NECAB1: variants seen among roughly 807,000 people sequenced by gnomAD.
NECAB1 encodes N-terminal EF-hand calcium-binding protein 1.
A neutral mutation model predicts 57.5 loss-of-function variants in NECAB1; 29 were observed. The observed-to-expected ratio is 0.50, with a 90% CI of 0.38 to 0.69. The LOEUF (loss-of-function observed/expected upper bound fraction) is 0.69. NECAB1 is among the 30% of genes least tolerant of loss of function. The pLI is 0.00. For missense variants in NECAB1, 372 were observed against 413.8 expected (o/e 0.90, Z 0.88); for synonymous variants, 142 against 147.7 (o/e 0.96, Z 0.28).
At chr8:90,841,497 G>A (rs765393135) in intron 3 of NECAB1, among the ~76,000 whole-genome samples, 2 of 152,050 alleles carry the variant, frequency 1.3e-5, no homozygotes, top group Non-Finnish European at 2.9e-5. Flanking sequence ...ACATAGTATC[G>A]AGATGCATGA....
chr8:90,809,971 T>C (rs1811928386), intron 2 of NECAB1, among the ~76,000 whole-genome samples: 1 of 152,240 alleles, frequency 6.6e-6, no homozygotes, highest in African/African-American at 2.4e-5. Flanking sequence ...TAATTTTATT[T>C]AATCTGTATA....
chr8:90,950,123 A>C (rs940143380), intron 11 of NECAB1, among the ~76,000 whole-genome samples: 3 of 152,146 alleles, frequency 2.0e-5, no homozygotes, highest in Non-Finnish European at 4.4e-5. Context: ...TTACCATTTT[A>C]CTGATGTTTT....
At chr8:90,940,647 A>G (rs1390930159) in intron 9 of NECAB1, 139 bp from the exon 10 acceptor site, 1 of 642,690 alleles carries the variant, frequency 1.6e-6, no homozygotes, top group Non-Finnish European at 2.8e-6. Flanking sequence ...TATACTTGGA[A>G]TAGTCATGGC....
intron 5 of NECAB1, among the ~76,000 whole-genome samples, chr8:90,913,372 C>CA (rs35838338): frequency 0.54 from 82,013 of 151,936 alleles, 26,103 homozygotes; most frequent in African/African-American, 0.87. Context: ...TAATAATTAT[C>CA]ATGACACGAA....
chr8:90,958,771 C>A lies in NECAB1; in HGVS notation c.*3259C>A. 2 of 406,408 alleles carry A rather than the reference C, an allele frequency of 4.9e-6. No individual in the cohort carries two copies. The highest frequency in any genetic ancestry group is 8.7e-6 in the Non-Finnish European group (2 of 229,038). The allele number at this position is 406,408 out of a possible 1,614,324, so 25.2% of individuals were successfully genotyped here. On this transcript the variant is annotated 3_prime_UTR_variant, in exon 13 of 13. Transcript: ENST00000417640. ...TATACAGTCTTCCCACTTCACTAAC[C>A]AAATTCCTACTTTCCAGTGTTACTT...
chr8:90,910,822 G>C (rs1242410524), intron 5 of NECAB1, among the ~76,000 whole-genome samples: 1 of 151,962 alleles, frequency 6.6e-6, no homozygotes, highest in Non-Finnish European at 1.5e-5. Flanking sequence ...GTGAACATTT[G>C]TTGGCTACTT....
At chr8:90,873,625 T>C (rs1043725781) in intron 4 of NECAB1, among the ~76,000 whole-genome samples, 1 of 152,224 alleles carries the variant, frequency 6.6e-6, no homozygotes, top group Admixed American at 6.5e-5. Context: ...TTCATTTATA[T>C]CTATTTTTTG....
chr8:90,864,991 G>A (rs1296344487), intron 3 of NECAB1, among the ~76,000 whole-genome samples: 1 of 152,058 alleles, frequency 6.6e-6, no homozygotes, highest in Non-Finnish European at 1.5e-5. Flanking sequence ...CTGGGGTGGG[G>A]CGCAAATGGA....
At chr8:90,864,332 CAAGG>C (rs149292284) in intron 3 of NECAB1, among the ~76,000 whole-genome samples, 1 of 119,844 alleles carries the variant, frequency 8.3e-6, no homozygotes, top group Non-Finnish European at 1.7e-5. Context: ...AGGAAGGAAA[CAAGG>C]AAGAGAGGGA....
intron 2 of NECAB1, among the ~76,000 whole-genome samples, chr8:90,808,426 C>G (rs1811891301): frequency 7.7e-6 from 1 of 129,328 alleles, no homozygotes; most frequent in South Asian, 2.5e-4. Context: ...GTCAGATTAC[C>G]TGGGCTCAAA....
intron 3 of NECAB1, among the ~76,000 whole-genome samples, chr8:90,863,180 A>G (rs188001799): frequency 1.9e-3 from 295 of 152,210 alleles, no homozygotes; most frequent in African/African-American, 6.7e-3. Context: ...ATTTTCTGGT[A>G]TGTTTCTACT....
At chr8:90,829,879 T>C (rs763778663) in intron 3 of NECAB1, among the ~76,000 whole-genome samples, 2 of 152,088 alleles carry the variant, frequency 1.3e-5, no homozygotes, top group Non-Finnish European at 2.9e-5. Flanking sequence ...GACAAGTCTT[T>C]CTAATATTTG....
chr8:90,925,489 A>T, intron 6 of NECAB1, 46 bp from the exon 7 acceptor site: 3 of 1,596,770 alleles, frequency 1.9e-6, no homozygotes, highest in Non-Finnish European at 2.6e-6. Flanking sequence ...GAAGGAAGAG[A>T]CTGAAGCACT....
chr8:90,919,963 T>C (rs1306519139), intron 6 of NECAB1, among the ~76,000 whole-genome samples: 2 of 152,214 alleles, frequency 1.3e-5, no homozygotes, highest in Non-Finnish European at 2.9e-5. Flanking sequence ...CTGTTTTCTG[T>C]GTTAGGCCAC....
chr8:90,924,927 C>G (rs948420530), intron 6 of NECAB1, among the ~76,000 whole-genome samples: 2 of 151,564 alleles, frequency 1.3e-5, no homozygotes, highest in African/African-American at 4.8e-5. Context: ...ACTTTCATAT[C>G]AGTATATAAC....
intron 1 of NECAB1, among the ~76,000 whole-genome samples, chr8:90,792,373 C>T (rs777512757): frequency 6.6e-6 from 1 of 152,208 alleles, no homozygotes; most frequent in Non-Finnish European, 1.5e-5. Flanking sequence ...CCTTCACACT[C>T]GTGGATGCTC....
chr8:90,814,841 G>A (rs899402051), intron 2 of NECAB1, among the ~76,000 whole-genome samples: 3 of 152,088 alleles, frequency 2.0e-5, no homozygotes, highest in Admixed American at 6.5e-5. Flanking sequence ...AGAAACCAAG[G>A]TCTGGATAAT....
chr8:90,828,647 C>A (rs995997355), intron 3 of NECAB1, among the ~76,000 whole-genome samples: 16 of 151,986 alleles, frequency 1.1e-4, no homozygotes, highest in African/African-American at 3.9e-4. Flanking sequence ...GCATGGGAAA[C>A]CCAGCTTTCC....
chr8:90,858,926 A>G (rs1197979076), intron 3 of NECAB1: 1 of 152,190 alleles, frequency 6.6e-6, no homozygotes, highest in East Asian at 1.9e-4. Flanking sequence ...TTCAAACTCA[A>G]ACAGTTGGGG....
Sources: allele counts gnomAD v4.1 joint callset (sites outside exome capture counted in the v4.1 genomes callset), GRCh38; gene constraint gnomAD v4.1.1; transcripts MANE v1.5; gene names NCBI Gene and HGNC (gene_info 2026-07-23, HGNC 2026-07-21).